The following SLAMF7 variants were observed in gnomAD, a reference collection of about 807,000 sequenced individuals.
SLAMF7 encodes the protein 19A24 protein.
A neutral mutation model predicts 34.1 loss-of-function variants in SLAMF7; 26 were observed. That is an observed-to-expected ratio of 0.76 (90% CI 0.56 to 1.06). SLAMF7 has a LOEUF of 1.06. Ranked by LOEUF, SLAMF7 falls within the 50% of genes least tolerant of loss-of-function variation. The pLI is 0.00. For synonymous variants in SLAMF7, 171 were observed against 156.4 expected, an observed-to-expected ratio of 1.09 and a Z score of -0.70; for missense variants, 399 against 402.5, an observed-to-expected ratio of 0.99 and a Z score of 0.07.
chr1:160,748,440 G>A lies in SLAMF7; in HGVS notation c.302G>A (p.Gly101Glu). The A allele has an allele frequency of 1.2e-6, 2 of 1,614,030 alleles. No homozygotes were observed. Among genetic ancestry groups the A allele is most frequent in the Non-Finnish European group, 1.7e-6 (2 of 1,179,960 alleles). Residue 101 changes from glycine (G) to glutamate (E), a missense_variant, in exon 2 of 7, where the codon GGG becomes GAG. Physicochemically the swap from Gly to Glu is moderately conservative, Grantham distance 98 (BLOSUM62 -2). Transcript: ENST00000368043. ...KLSKLKKNDS[G>E]IYYVGIYSSS... ...AGCAAACTGAAGAAGAATGACTCAG[G>A]GATCTACTATGTGGGGATATACAGC...
intron 1 of SLAMF7, among the ~76,000 whole-genome samples, chr1:160,746,251 A>G (rs1460078000): frequency 6.6e-6 from 1 of 152,254 alleles, no homozygotes; most frequent in African/African-American, 2.4e-5. Context: ...GATCACATTC[A>G]TTTTATACCA....
At chr1:160,739,200 C>T (rs956714846), upstream of SLAMF7, 28 of 997,756 alleles carry the variant, frequency 2.8e-5, no homozygotes, top group Admixed American at 2.6e-4. Context: ...ATGTCTGCGG[C>T]GTGACCCCTC....
chr1:160,739,379 C>T (rs1348697731), intron 1 of SLAMF7, 23 bp downstream of exon 1: 1 of 1,605,848 alleles, frequency 6.2e-7, no homozygotes, highest in African/African-American at 1.3e-5. Flanking sequence ...GGATTCTCTT[C>T]CACTCTCCTG....
upstream of SLAMF7, chr1:160,739,207 C>G: frequency 9.2e-7 from 1 of 1,083,926 alleles, no homozygotes; most frequent in Non-Finnish European, 1.4e-6. Context: ...CGGCGTGACC[C>G]CTCCTGCTTC....
rs538084712 is a variant in SLAMF7, at chr1:160,742,855, G to A, written c.55+3499G>A. On this transcript the variant is annotated intron_variant, in intron 1 of 6. Transcript: ENST00000368043. ...GGCTTAGGCTGTATCTCACGGGGCT[G>A]TTCTAAGGATCAGGAGAGAGGATGC... Among the ~76,000 whole-genome samples, 33 of 152,332 alleles carry A rather than the reference G, an allele frequency of 2.2e-4. 2 individuals are homozygous for A. In the South Asian group the frequency reaches 6.4e-3, roughly 30 times the overall value.
In SLAMF7 at chr1:160,753,318, C is replaced by A; in HGVS notation, c.*141C>A. On this transcript the variant is annotated 3_prime_UTR_variant, in exon 7 of 7. Transcript: ENST00000368043. ...TTGACTTTTTTCCAGGATAAATTAT[C>A]TCTGATGCTTCTTTAGATTTAAGAG... 1 of 684,216 alleles carries A rather than the reference C, an allele frequency of 1.5e-6. No individual in the cohort carries two copies. The highest frequency in any genetic ancestry group is 2.5e-6 in the Non-Finnish European group (1 of 404,724). 42.4% of individuals were successfully genotyped at this position (684,216 alleles called of 1,614,324 possible). A position where few individuals can be genotyped will look rare whatever the true frequency, so the allele number is the denominator to read the frequency against.
At chr1:160,750,562 C>A in intron 4 of SLAMF7, 139 bp downstream of exon 4, 2 of 990,506 alleles carry the variant, frequency 2.0e-6, no homozygotes, top group Non-Finnish European at 1.5e-6. Flanking sequence ...CAGTCTCTGC[C>A]CTCAAGAAGC....
At chr1:160,749,230 C>G (rs987507875) in intron 2 of SLAMF7, among the ~76,000 whole-genome samples, 1 of 152,152 alleles carries the variant, frequency 6.6e-6, no homozygotes, top group Non-Finnish European at 1.5e-5. Context: ...GCTAACTAGT[C>G]AGGGGAGGAA....
In SLAMF7 at chr1:160,753,404, C is replaced by A; in HGVS notation, c.*227C>A. 1 of 531,342 alleles carries A rather than the reference C, an allele frequency of 1.9e-6. No homozygotes were observed. Among genetic ancestry groups the A allele is most frequent in the Non-Finnish European group, 3.3e-6 (1 of 300,246 alleles). The allele number at this position is 531,342 out of a possible 1,614,324, so 32.9% of individuals were successfully genotyped here. A position where few individuals can be genotyped will look rare whatever the true frequency, so the allele number is the denominator to read the frequency against. ...AACCCAGAAGGTTTAATCACTTCAT[C>A]CCAAAAATGGGATTGTGAATGTCAG... On this transcript the variant is annotated 3_prime_UTR_variant, in exon 7 of 7. Transcript: ENST00000368043.
intron 4 of SLAMF7, 72 bp downstream of exon 4, chr1:160,750,495 T>C (rs1664485247): frequency 5.2e-6 from 8 of 1,544,084 alleles, no homozygotes; most frequent in Non-Finnish European, 7.0e-6. Flanking sequence ...CAAGCACATA[T>C]AGAGCTGTGT....
intron 1 of SLAMF7, among the ~76,000 whole-genome samples, chr1:160,741,630 A>G (rs768018337): frequency 6.6e-6 from 1 of 152,114 alleles, no homozygotes; most frequent in South Asian, 2.1e-4. Context: ...CAAATAAATG[A>G]CTCCAATGTA....
chr1:160,753,190 T>C lies in SLAMF7; in HGVS notation c.*13T>C. 6.3e-7 allele frequency: 1 copy of C among 1,599,720 alleles called. No individual in the cohort carries two copies. The highest frequency in any genetic ancestry group is 1.1e-5 in the South Asian group (1 of 90,004). On this transcript the variant is annotated 3_prime_UTR_variant, in exon 7 of 7. Transcript: ENST00000368043. ...GAATGTTATCTAGACAGCAGTGCACTCCCCTAAGTCTCTGCTCAAAAAAAA... is the reference window on the plus strand; with the variant it reads ...GAATGTTATCTAGACAGCAGTGCACCCCCCTAAGTCTCTGCTCAAAAAAAA...
chr1:160,750,534 G>A (rs978479201), intron 4 of SLAMF7, 111 bp downstream of exon 4: 2 of 1,326,964 alleles, frequency 1.5e-6, no homozygotes, highest in African/African-American at 2.9e-5. Flanking sequence ...TGTTGAAGAT[G>A]CAGAGATGAA....
At position 160,739,260 on chromosome 1, in the gene SLAMF7, G is replaced by C. The variant is rs760472213; in HGVS notation, c.-42G>C. 5.7e-6 allele frequency: 9 copies of C among 1,581,636 alleles called. No individual in the cohort carries two copies. In the South Asian group the frequency reaches 6.6e-5, roughly 12 times the overall value. On this transcript the variant is annotated 5_prime_UTR_variant, in exon 1 of 7. Coordinates refer to ENST00000368043, the MANE Select transcript of SLAMF7 (RefSeq NM_021181.5). The stretch of plus-strand genomic sequence containing the variant: ...GAAGAGGTCTGAGTAATACCTAAGA[G>C]GGAAGTGGCTTCATTTCAGTGGCTG...
upstream of SLAMF7, chr1:160,739,214 C>T (rs566550447): frequency 2.6e-5 from 31 of 1,209,768 alleles, no homozygotes; most frequent in African/African-American, 4.6e-4. Flanking sequence ...ACCCCTCCTG[C>T]TTCTTTAAAT....
intron 2 of SLAMF7, 115 bp from the exon 3 acceptor site, chr1:160,749,706 T>C (rs1429344954): frequency 1.1e-6 from 1 of 885,492 alleles, no homozygotes; most frequent in Non-Finnish European, 1.7e-6. Flanking sequence ...GAATTACTGC[T>C]TTCTCTCCAG....
intron 4 of SLAMF7, 186 bp downstream of exon 4, chr1:160,750,609 G>C (rs1218069487): frequency 3.2e-5 from 20 of 617,336 alleles, no homozygotes; most frequent in Non-Finnish European, 4.8e-5. Context: ...CTGGAGTAGA[G>C]AAAGTGCTGG....
At chr1:160,745,714 A>T (rs79466657) in intron 1 of SLAMF7, among the ~76,000 whole-genome samples, 1 of 152,232 alleles carries the variant, frequency 6.6e-6, no homozygotes, top group Non-Finnish European at 1.5e-5. Context: ...GCTGTGTTCC[A>T]GTACAATTGT....
chr1:160,745,379 C>A (rs750494446), intron 1 of SLAMF7, among the ~76,000 whole-genome samples: 2 of 152,142 alleles, frequency 1.3e-5, no homozygotes, highest in African/African-American at 2.4e-5. Context: ...AAGGCTGGAG[C>A]TGGTACAAAC....
Sources: gnomAD v4.1 joint callset for allele counts (sites outside exome capture counted in the v4.1 genomes callset) on GRCh38, gnomAD v4.1.1 for gene constraint, MANE v1.5 for transcripts, NCBI Gene and HGNC (gene_info 2026-07-23, HGNC 2026-07-21) for gene names.